The following FAM13B variants were observed in gnomAD, a reference collection of about 807,000 sequenced individuals.
The protein encoded by FAM13B is protein FAM13B.
Under a neutral mutation model 117.3 loss-of-function variants are expected in FAM13B, and 60 were observed. That is an observed-to-expected ratio of 0.51 (90% CI 0.42 to 0.63). The LOEUF is 0.63. Ranked by LOEUF, FAM13B falls within the 30% of genes least tolerant of loss-of-function variation. The pLI is 0.00. For missense variants in FAM13B, 972 were observed against 1,091.9 expected, an observed-to-expected ratio of 0.89 and a Z score of 1.55; for synonymous variants, 332 against 356.1, an observed-to-expected ratio of 0.93 and a Z score of 0.76.
At chr5:137,975,158 A>G (rs1193307513) in intron 10 of FAM13B, among the ~76,000 whole-genome samples, 2 of 152,160 alleles carry the variant, frequency 1.3e-5, no homozygotes, top group Non-Finnish European at 2.9e-5. Flanking sequence ...GACACAAGTT[A>G]CTTTCTACGA....
chr5:137,988,361 A>T, intron 7 of FAM13B, 46 bp from the exon 8 acceptor site: 1 of 1,475,320 alleles, frequency 6.8e-7, no homozygotes, highest in South Asian at 1.3e-5. Context: ...TCAATACTTA[A>T]TAACTACAAA....
At chr5:137,955,814 T>A (rs190247034) in intron 14 of FAM13B, among the ~76,000 whole-genome samples, 1 of 152,244 alleles carries the variant, frequency 6.6e-6, no homozygotes, top group East Asian at 1.9e-4. Flanking sequence ...GTATTTTTAG[T>A]TGAGATGGGG....
chr5:137,981,584 G>C (rs768585620), intron 10 of FAM13B, among the ~76,000 whole-genome samples: 22 of 152,186 alleles, frequency 1.4e-4, no homozygotes, highest in Admixed American at 3.3e-4. Context: ...TCAGGAGTTT[G>C]AGACCAGCCT....
chr5:138,011,660 C>G (rs1034959381), intron 5 of FAM13B, 108 bp downstream of exon 5: 1 of 686,750 alleles, frequency 1.5e-6, no homozygotes, highest in Non-Finnish European at 2.4e-6. Context: ...CCTTGTGATC[C>G]GCCCGCATCA....
At chr5:138,015,058 T>C (rs1040624668) in intron 4 of FAM13B, among the ~76,000 whole-genome samples, 7 of 152,256 alleles carry the variant, frequency 4.6e-5, no homozygotes, top group Non-Finnish European at 1.0e-4. Context: ...GCAGTTGGAC[T>C]AACCATTATG....
chr5:138,003,487 T>C (rs1216199677), intron 7 of FAM13B, among the ~76,000 whole-genome samples: 1 of 152,148 alleles, frequency 6.6e-6, no homozygotes, highest in African/African-American at 2.4e-5. Flanking sequence ...AAAAAGGAAA[T>C]GTATAGATAT....
At chr5:137,989,408 C>A (rs1406134239) in intron 7 of FAM13B, among the ~76,000 whole-genome samples, 1 of 152,190 alleles carries the variant, frequency 6.6e-6, no homozygotes, top group East Asian at 1.9e-4. Context: ...ACCCCTCCTA[C>A]ATATAAAAAT....
intron 4 of FAM13B, among the ~76,000 whole-genome samples, chr5:138,016,683 G>A (rs1179033938): frequency 6.6e-6 from 1 of 152,140 alleles, no homozygotes; most frequent in African/African-American, 2.4e-5. Flanking sequence ...GACAATCCTA[G>A]TGAAAAATAA....
At chr5:138,010,314 C>T (rs185730950) in intron 6 of FAM13B, among the ~76,000 whole-genome samples, 1 of 152,118 alleles carries the variant, frequency 6.6e-6, no homozygotes, top group East Asian at 1.9e-4. Context: ...TTTTTAAAAT[C>T]ATTTTGTGGG....
chr5:138,043,180 A>G (rs6886913), intron 1 of FAM13B, among the ~76,000 whole-genome samples: 111,796 of 152,010 alleles, frequency 0.74, 41,807 homozygotes, highest in East Asian at 0.97. Flanking sequence ...CCTGAGCACC[A>G]TAGTGAGACC....
At chr5:137,940,459 G>C in intron 23 of FAM13B, 111 bp from the exon 24 acceptor site, 1 of 557,486 alleles carries the variant, frequency 1.8e-6, no homozygotes, top group Non-Finnish European at 2.9e-6. Flanking sequence ...CAAATAAAAA[G>C]TTGTTCTGTT....
rs56195021 is a variant in FAM13B at position 138,026,628 on chromosome 5, CAAAAA to C, written c.-202-5436_-202-5432del. Among the ~76,000 whole-genome samples, 29 of 29,434 alleles carry C rather than the reference CAAAAA, an allele frequency of 9.9e-4. No homozygotes were observed. In the South Asian group the frequency reaches 0.011, roughly 11 times the overall value. 19.3% of individuals were successfully genotyped at this position (29,434 alleles called of 152,430 possible). On this transcript the variant is annotated intron_variant, in intron 1 of 23. Coordinates refer to ENST00000689681, the MANE Select transcript of FAM13B (RefSeq NM_001385994.1). ...TGGGCACCAGAGAGGGACCGTGTCTCAAAAAAAAAAAAAAAAAAAAAAAAAAATTG... is the reference window on the plus strand; with the variant it reads ...TGGGCACCAGAGAGGGACCGTGTCTCAAAAAAAAAAAAAAAAAAAAAATTG...
chr5:137,993,074 G>A (rs1164559123), intron 7 of FAM13B, among the ~76,000 whole-genome samples: 9 of 152,078 alleles, frequency 5.9e-5, no homozygotes, highest in Admixed American at 5.2e-4. Context: ...AAAAATCACC[G>A]TTCAGTGAAA....
chr5:138,023,867 C>T (rs926035560), intron 1 of FAM13B, among the ~76,000 whole-genome samples: 3 of 152,162 alleles, frequency 2.0e-5, no homozygotes, highest in South Asian at 2.1e-4. Context: ...GCCTCAAAGT[C>T]TTATATACAT....
In FAM13B at chr5:138,004,959, C is replaced by T. The variant is rs990736060; in HGVS notation, c.848+2031G>A. Among the ~76,000 whole-genome samples the T allele has an allele frequency of 1.8e-4, 28 of 152,268 alleles. No individual in the cohort carries two copies. In the South Asian group the frequency reaches 2.3e-3, roughly 12 times the overall value. ...GCTCTAAATTAACAAAATTAGAGGC[C>T]GGGTGCAGTGGCTCACTCCTGCAAT... is the stretch of plus-strand genomic sequence containing the variant. On this transcript the variant is annotated intron_variant, in intron 7 of 23. Coordinates refer to ENST00000689681, the MANE Select transcript of FAM13B (RefSeq NM_001385994.1).
At position 137,988,327 on chromosome 5, in the gene FAM13B, G is replaced by A; in HGVS notation, c.849-12C>T. The A allele has an allele frequency of 1.3e-6, 2 of 1,554,638 alleles. No homozygotes were observed. The highest frequency in any genetic ancestry group is 1.7e-6 in the Non-Finnish European group (2 of 1,159,980). ...GAGATATATGGGTGCTGCAATCAAA[G>A]AAAGAAATTAGCTATAAAAATGTTC... On this transcript the variant is annotated splice_polypyrimidine_tract_variant and intron_variant, in intron 7 of 23. Transcript: ENST00000689681.
At chr5:137,946,684 A>G (rs958547160) in intron 18 of FAM13B, among the ~76,000 whole-genome samples, 1 of 152,262 alleles carries the variant, frequency 6.6e-6, no homozygotes, top group African/African-American at 2.4e-5. Context: ...AGTTCTATGT[A>G]AAGTATTTGC....
Position 137,946,319 on chromosome 5 carries a change from TAAAC to T in FAM13B, c.2161-12_2161-9del. 1 of 1,390,962 alleles carries T rather than the reference TAAAC, an allele frequency of 7.2e-7. No individual in the cohort carries two copies. Among genetic ancestry groups the T allele is most frequent in the Non-Finnish European group, 9.4e-7 (1 of 1,062,520 alleles). 86.2% of individuals were successfully genotyped at this position (1,390,962 alleles called of 1,614,324 possible). Reference sequence around the variant, plus strand: ...ATGATCTTTGGTCATTTTCTGGAATTAAACAAAAAAAATAACAAAATACAAAAAA... The same window carrying T: ...ATGATCTTTGGTCATTTTCTGGAATTAAAAAAAATAACAAAATACAAAAAA... On this transcript the variant is annotated splice_polypyrimidine_tract_variant and intron_variant, in intron 18 of 23. Transcript: ENST00000689681.
intron 7 of FAM13B, among the ~76,000 whole-genome samples, chr5:137,993,099 A>G (rs1044730989): frequency 1.2e-4 from 18 of 152,184 alleles, no homozygotes; most frequent in African/African-American, 4.3e-4. Context: ...CCAGATCAAG[A>G]ATTTACATAT....
Sources: allele counts gnomAD v4.1 joint callset (sites outside exome capture counted in the v4.1 genomes callset), GRCh38; gene constraint gnomAD v4.1.1; transcripts MANE v1.5; gene names NCBI Gene and HGNC (gene_info 2026-07-23, HGNC 2026-07-21).